The following BBOX1 variants were observed in gnomAD, a reference collection of about 807,000 sequenced individuals.
BBOX1 encodes gamma-butyrobetaine hydroxylase 1.
Under a neutral mutation model 41.6 loss-of-function variants are expected in BBOX1, and 35 were observed. The observed-to-expected ratio is 0.84, with a 90% CI of 0.64 to 1.11. The LOEUF (loss-of-function observed/expected upper bound fraction) is 1.11, where lower values mean the gene tolerates loss of function less well. Ranked by LOEUF, BBOX1 falls within the 50% of genes most tolerant of loss-of-function variation. The pLI is 0.00. For missense variants in BBOX1, 458 were observed against 460.6 expected, an observed-to-expected ratio of 0.99 and a Z score of 0.05; for synonymous variants, 163 against 154.7, an observed-to-expected ratio of 1.05 and a Z score of -0.40.
chr11:27,127,199 C>A, intron 8 of BBOX1, 94 bp from the exon 9 acceptor site: 2 of 1,324,690 alleles, frequency 1.5e-6, no homozygotes, highest in Non-Finnish European at 2.1e-6. Flanking sequence ...TTGATGTGAA[C>A]CAAGCAGCAG....
chr11:27,116,451 A>G (rs1859265588), intron 6 of BBOX1, among the ~76,000 whole-genome samples: 2 of 130,504 alleles, frequency 1.5e-5, no homozygotes, highest in African/African-American at 5.9e-5. Context: ...CTGCACATGT[A>G]TCCCAGAACT....
chr11:27,072,411 G>A (rs1457585741), intron 4 of BBOX1, among the ~76,000 whole-genome samples: 2 of 152,116 alleles, frequency 1.3e-5, no homozygotes, highest in Non-Finnish European at 2.9e-5. Flanking sequence ...ACTGCTCAAC[G>A]AAATAAAAGA....
intron 5 of BBOX1, among the ~76,000 whole-genome samples, chr11:27,095,537 ATAAG>A (rs1858409559): frequency 6.6e-6 from 1 of 151,990 alleles, no homozygotes; most frequent in Non-Finnish European, 1.5e-5. Flanking sequence ...ACCTAACCAG[ATAAG>A]TTAACCTACC....
intron 5 of BBOX1, among the ~76,000 whole-genome samples, chr11:27,104,143 G>C (rs567183260): frequency 6.6e-6 from 1 of 152,158 alleles, no homozygotes; most frequent in South Asian, 2.1e-4. Context: ...ATGAATTCCA[G>C]ACTATTCAGA....
intron 2 of BBOX1, among the ~76,000 whole-genome samples, chr11:27,052,792 A>G (rs1464666594): frequency 6.6e-6 from 1 of 152,150 alleles, no homozygotes; most frequent in Non-Finnish European, 1.5e-5. Flanking sequence ...GTTTTCACAG[A>G]ACCCTGGGGA....
chr11:27,125,794 C>G lies in BBOX1; in HGVS notation c.977C>G (p.Ser326Cys). 6.2e-7 allele frequency: 1 copy of G among 1,610,818 alleles called. No individual in the cohort carries two copies. The highest frequency in any genetic ancestry group is 8.5e-7 in the Non-Finnish European group (1 of 1,179,042). ...GTTGACCTCATGAACAGCAAAGAAT[C>G]CAAGTTTACCTTCAAGATGAATCCA... is the stretch of plus-strand genomic sequence containing the variant. ...EFVDLMNSKESKFTFKMNPGD... is the reference protein window; with the variant it reads ...EFVDLMNSKECKFTFKMNPGD... Residue 326 changes from serine (S) to cysteine (C), a missense_variant, in exon 8 of 9, where the codon TCC becomes TGC. By Grantham distance (112) the Ser-to-Cys change is moderately radical (BLOSUM62 -1). Transcript: ENST00000263182.
intron 2 of BBOX1, among the ~76,000 whole-genome samples, chr11:27,047,940 A>G (rs1164687155): frequency 6.6e-6 from 1 of 152,134 alleles, no homozygotes. Flanking sequence ...TAAAACTAAT[A>G]ATCTTTTTTC....
In BBOX1 at chr11:27,108,032, T is replaced by A. The variant is rs181869059; in HGVS notation, c.534-7420T>A. Among the ~76,000 whole-genome samples, 130 of 152,212 alleles carry A rather than the reference T, an allele frequency of 8.5e-4. 1 individual carries two copies. The highest frequency in any genetic ancestry group is 2.9e-3 in the African/African-American group (122 of 41,582). ...GATTGGAATTGGTGAGCTCCTTTCA[T>A]GGGATTTATCATAATATGTGAAGAT... On this transcript the variant is annotated intron_variant, in intron 5 of 8. Coordinates refer to ENST00000263182, the MANE Select transcript of BBOX1 (RefSeq NM_003986.3).
intron 4 of BBOX1, among the ~76,000 whole-genome samples, chr11:27,067,794 A>C (rs1467524934): frequency 6.6e-6 from 1 of 151,986 alleles, no homozygotes; most frequent in Admixed American, 6.6e-5. Context: ...TTTAAAAAAC[A>C]TAGTTGAGCT....
chr11:27,046,888 G>A (rs1472814888), intron 2 of BBOX1, among the ~76,000 whole-genome samples: 1 of 147,234 alleles, frequency 6.8e-6, no homozygotes, highest in Non-Finnish European at 1.5e-5. Context: ...TTTTCAGAAA[G>A]CATTTGCTTT....
At position 27,127,622 on chromosome 11, in the gene BBOX1, C is replaced by A. The variant is rs1859713547; in HGVS notation, c.*169C>A. ...ACTTTGTAATCATATACAATGTCAA[C>A]TTTTTAGATGTTTCACCACTCTTTT... On this transcript the variant is annotated 3_prime_UTR_variant, in exon 9 of 9. Coordinates refer to ENST00000263182, the MANE Select transcript of BBOX1 (RefSeq NM_003986.3). 6 of 748,296 alleles carry A rather than the reference C, an allele frequency of 8.0e-6. No individual in the cohort carries two copies. The Admixed American group carries it at 2.2e-4, about 27-fold the overall frequency. The allele number at this position is 748,296 out of a possible 1,614,324, so 46.4% of individuals were successfully genotyped here. A position where few individuals can be genotyped will look rare whatever the true frequency, so the allele number is the denominator to read the frequency against.
chr11:27,071,571 G>C (rs1006494554), intron 4 of BBOX1, among the ~76,000 whole-genome samples: 3 of 152,012 alleles, frequency 2.0e-5, no homozygotes, highest in African/African-American at 7.3e-5. Flanking sequence ...GATAGTGAAT[G>C]AGTTCTCATA....
At chr11:27,116,005 T>C (rs1859245493) in intron 6 of BBOX1, among the ~76,000 whole-genome samples, 1 of 151,984 alleles carries the variant, frequency 6.6e-6, no homozygotes. Context: ...CATTCTACTA[T>C]AAAGACACAT....
At chr11:27,071,588 A>G (rs537431365) in intron 4 of BBOX1, among the ~76,000 whole-genome samples, 2 of 152,152 alleles carry the variant, frequency 1.3e-5, no homozygotes, top group East Asian at 3.9e-4. Flanking sequence ...CATAAGATCT[A>G]TGGTTTAAAA....
At chr11:27,090,068 A>C (rs992505039) in intron 4 of BBOX1, among the ~76,000 whole-genome samples, 1 of 152,006 alleles carries the variant, frequency 6.6e-6, no homozygotes, top group Non-Finnish European at 1.5e-5. Context: ...GGCTCTTACC[A>C]TATGAAATCA....
chr11:27,111,657 C>G (rs911713746), intron 5 of BBOX1, among the ~76,000 whole-genome samples: 1 of 151,658 alleles, frequency 6.6e-6, no homozygotes, highest in African/African-American at 2.4e-5. Context: ...GTGCAAATAC[C>G]ACCTTTATCT....
chr11:27,103,865 TTTG>T (rs1021513265), intron 5 of BBOX1, among the ~76,000 whole-genome samples: 2 of 152,122 alleles, frequency 1.3e-5, no homozygotes, highest in Admixed American at 6.6e-5. Flanking sequence ...TGTTGTTGTT[TTTG>T]TTGTTGTTGT....
intron 4 of BBOX1, among the ~76,000 whole-genome samples, chr11:27,073,942 T>G (rs1360518806): frequency 6.6e-6 from 1 of 152,054 alleles, no homozygotes; most frequent in Non-Finnish European, 1.5e-5. Context: ...AGGGATAGCA[T>G]TAGGAGATAT....
At chr11:27,077,700 T>G (rs2134008354) in intron 4 of BBOX1, among the ~76,000 whole-genome samples, 1 of 152,242 alleles carries the variant, frequency 6.6e-6, no homozygotes, top group Admixed American at 6.5e-5. Context: ...AGAATATTAT[T>G]ATTAAAATTG....
Sources: allele counts gnomAD v4.1 joint callset (sites outside exome capture counted in the v4.1 genomes callset), GRCh38; gene constraint gnomAD v4.1.1; transcripts MANE v1.5; gene names NCBI Gene and HGNC (gene_info 2026-07-23, HGNC 2026-07-21).